SYT2: variants seen among roughly 807,000 people sequenced by gnomAD.
The protein encoded by SYT2 is synaptotagmin-2.
A neutral mutation model predicts 39.9 loss-of-function variants in SYT2; 15 were observed. That is an observed-to-expected ratio of 0.38 (90% CI 0.25 to 0.58). The LOEUF is 0.58. Among genes scored for constraint, SYT2 ranks in the 20% least tolerant of loss-of-function variants. SYT2 has a pLI of 0.70. For synonymous variants in SYT2, 181 were observed against 204.5 expected (o/e 0.89, Z 0.98); for missense variants, 389 against 530.3 (o/e 0.73, Z 2.62).
intron 1 of SYT2, among the ~76,000 whole-genome samples, chr1:202,676,401 C>T (rs1490200348): frequency 1.3e-5 from 2 of 152,232 alleles, no homozygotes; most frequent in Admixed American, 6.5e-5. Context: ...AGCTTACAAA[C>T]CTTCTCCCCA....
intron 1 of SYT2, among the ~76,000 whole-genome samples, chr1:202,689,056 C>T (rs1406818061): frequency 6.6e-6 from 1 of 152,130 alleles, no homozygotes. Flanking sequence ...GGAGCCCGCC[C>T]CCAGACTGAA....
intron 1 of SYT2, among the ~76,000 whole-genome samples, chr1:202,688,322 T>C (rs1483473826): frequency 6.6e-6 from 1 of 152,228 alleles, no homozygotes; most frequent in Non-Finnish European, 1.5e-5. Flanking sequence ...CTAAGGTTTT[T>C]ATTCATTCCT....
Position 202,603,087 on chromosome 1 carries a change from T to C in SYT2, c.377A>G (p.Glu126Gly). The C allele has an allele frequency of 6.2e-6, 10 of 1,613,964 alleles. No individual in the cohort carries two copies. The highest frequency in any genetic ancestry group is 7.6e-6 in the Non-Finnish European group (9 of 1,179,974). ...DDDDAETGLTEGEGEGEEEKE... is the reference protein window; with the variant it reads ...DDDDAETGLTGGEGEGEEEKE... Reference sequence around the variant, plus strand: ...CTCCTCCTCCCCTTCACCTTCCCCCTCAGTCAGGCCTGTCTCTGCGTCGTC... The same window carrying C: ...CTCCTCCTCCCCTTCACCTTCCCCCCCAGTCAGGCCTGTCTCTGCGTCGTC... Residue 126 changes from glutamate (E) to glycine (G), a missense_variant, in exon 4 of 9, where the codon GAG (glutamate) becomes GGG (glycine). By Grantham distance (98) the Glu-to-Gly change is moderately conservative. Coordinates refer to ENST00000367268, the MANE Select transcript of SYT2 (RefSeq NM_177402.5).
chr1:202,673,037 C>T (rs1653209066), intron 1 of SYT2, among the ~76,000 whole-genome samples: 1 of 152,066 alleles, frequency 6.6e-6, no homozygotes, highest in Non-Finnish European at 1.5e-5. Flanking sequence ...AATATCCAAA[C>T]GTTTGCTAGT....
chr1:202,700,384 C>T (rs1333175331), intron 1 of SYT2, among the ~76,000 whole-genome samples: 4 of 152,210 alleles, frequency 2.6e-5, no homozygotes, highest in Admixed American at 1.3e-4. Context: ...ACTGTGTGCC[C>T]GGCTCTGGGC....
Position 202,599,140 on chromosome 1 carries a change from T to C in SYT2, c.1053+78A>G, listed in dbSNP as rs1690406007. The C allele has an allele frequency of 6.4e-7, 1 of 1,574,358 alleles. No individual in the cohort carries two copies. The highest frequency in any genetic ancestry group is 1.4e-5 in the African/African-American group (1 of 72,660). On this transcript the variant is annotated intron_variant, in intron 8 of 8. Coordinates refer to ENST00000367268, the MANE Select transcript of SYT2 (RefSeq NM_177402.5). This position sits in a 1 kb window ranked among gnomAD's most constrained non-coding sequence, Gnocchi z 4.4. ...GGCTGTTCCATGGTCTCTAGGTGAG[T>C]TCCCTCTCTTCAACCTCCCCATACA...
intron 1 of SYT2, among the ~76,000 whole-genome samples, chr1:202,705,108 G>A (rs1440095201): frequency 3.9e-5 from 6 of 152,398 alleles, no homozygotes; most frequent in East Asian, 1.9e-4. Context: ...GGTGAGAAGC[G>A]GCGAGGAGAG....
chr1:202,605,885 A>G, intron 1 of SYT2, 96 bp from the exon 2 acceptor site: 1 of 797,476 alleles, frequency 1.3e-6, no homozygotes. Flanking sequence ...CTCTTTATAG[A>G]TCAAAGATAT....
Position 202,603,086 on chromosome 1 carries a change from CTCAG to C in SYT2, c.374_377del (p.Thr125ArgfsTer75). 1 of 1,614,180 alleles carries C rather than the reference CTCAG, an allele frequency of 6.2e-7. No individual in the cohort carries two copies. The highest frequency in any genetic ancestry group is 8.5e-7 in the Non-Finnish European group (1 of 1,180,032). Reference sequence around the variant, plus strand: ...TCTCCTCCTCCCCTTCACCTTCCCCCTCAGTCAGGCCTGTCTCTGCGTCGTCGTC... The same window carrying C: ...TCTCCTCCTCCCCTTCACCTTCCCCCTCAGGCCTGTCTCTGCGTCGTCGTC... On this transcript the variant is annotated frameshift_variant, in exon 4 of 9. Coordinates refer to ENST00000367268, the MANE Select transcript of SYT2 (RefSeq NM_177402.5). LOFTEE classifies it high-confidence loss of function.
intron 1 of SYT2, among the ~76,000 whole-genome samples, chr1:202,692,909 TA>T (rs895256164): frequency 6.6e-4 from 100 of 152,212 alleles, no homozygotes; most frequent in African/African-American, 2.4e-3. Flanking sequence ...AAAAAAGTTT[TA>T]AAAATATTAT....
intron 1 of SYT2, among the ~76,000 whole-genome samples, chr1:202,703,746 G>A (rs979263868): frequency 1.3e-5 from 2 of 152,042 alleles, no homozygotes; most frequent in Non-Finnish European, 2.9e-5. Flanking sequence ...GTCTACTCGG[G>A]TATGGAAAGG....
At chr1:202,703,148 G>A (rs933824353) in intron 1 of SYT2, among the ~76,000 whole-genome samples, 12 of 152,184 alleles carry the variant, frequency 7.9e-5, no homozygotes, top group African/African-American at 2.7e-4. Context: ...GGGAGCAGAG[G>A]TTCTCTGGGA....
rs550381840 is a variant in SYT2 at position 202,709,677 on chromosome 1, C to G, written c.-18+581G>C. Among the ~76,000 whole-genome samples the G allele has an allele frequency of 2.6e-5, 4 of 152,280 alleles. No homozygotes were observed. In the East Asian group the frequency reaches 7.8e-4, roughly 30 times the overall value. On this transcript the variant is annotated intron_variant, in intron 1 of 8. Coordinates refer to ENST00000367268, the MANE Select transcript of SYT2 (RefSeq NM_177402.5). ...CCTCCAGCCCCTTCTTGGGCCCCTG[C>G]CCCAGCTCCTCGTGCCCGTTGCTTC... is the stretch of plus-strand genomic sequence containing the variant.
At position 202,663,160 on chromosome 1, in the gene SYT2, C is replaced by G. The variant is rs377133799; in HGVS notation, c.-18+47098G>C. Among the ~76,000 whole-genome samples, 9 of 152,188 alleles carry G rather than the reference C, an allele frequency of 5.9e-5. No individual in the cohort carries two copies. In the East Asian group the frequency reaches 9.6e-4, roughly 16 times the overall value. On this transcript the variant is annotated intron_variant, in intron 1 of 8. Coordinates refer to ENST00000367268, the MANE Select transcript of SYT2 (RefSeq NM_177402.5). ...ACAGGGGAGGCCCTTTCATGGCTAA[C>G]AAGAAAGAGAACTCAAGCCAGCCAC...
rs578159873 is a variant in SYT2 at position 202,658,102 on chromosome 1, T to C, written c.-18+52156A>G. ...CCTCTCTGGGTCTCAGGTTCCTTAT[T>C]AATAAACTAAAAGGATTGGACTAGA... is the stretch of plus-strand genomic sequence containing the variant. On this transcript the variant is annotated intron_variant, in intron 1 of 8. Coordinates refer to ENST00000367268, the MANE Select transcript of SYT2 (RefSeq NM_177402.5). Among the ~76,000 whole-genome samples the C allele has an allele frequency of 2.0e-5, 3 of 152,166 alleles. No homozygotes were observed. The South Asian group carries it at 6.2e-4, about 32-fold the overall frequency.
intron 1 of SYT2, among the ~76,000 whole-genome samples, chr1:202,640,235 T>TCCCACCCCACCCCAC (rs1262266281): frequency 7.0e-6 from 1 of 141,870 alleles, no homozygotes; most frequent in Non-Finnish European, 1.5e-5. Context: ...CCAACAAACC[T>TCCCACCCCACCCCAC]CCCACCCCAC....
At chr1:202,681,535 TA>T (rs1471063267) in intron 1 of SYT2, among the ~76,000 whole-genome samples, 10 of 152,286 alleles carry the variant, frequency 6.6e-5, no homozygotes, top group African/African-American at 2.4e-4. Flanking sequence ...CTTAGGCGGA[TA>T]AAAAGCTTCA....
intron 1 of SYT2, among the ~76,000 whole-genome samples, chr1:202,709,895 G>T (rs1206586628): frequency 6.6e-6 from 1 of 152,046 alleles, no homozygotes; most frequent in Non-Finnish European, 1.5e-5. Flanking sequence ...ACGCGAGTGG[G>T]TTCGTCCCAG....
chr1:202,660,415 C>T (rs768581191), intron 1 of SYT2, among the ~76,000 whole-genome samples: 1 of 152,144 alleles, frequency 6.6e-6, no homozygotes, highest in African/African-American at 2.4e-5. Flanking sequence ...CTTCTGTTAC[C>T]GCTACTACCC....
Sources: allele counts gnomAD v4.1 joint callset (sites outside exome capture counted in the v4.1 genomes callset), GRCh38; gene constraint gnomAD v4.1.1; non-coding constraint Gnocchi (gnomAD v3.1); transcripts MANE v1.5; gene names NCBI Gene and HGNC (gene_info 2026-07-23, HGNC 2026-07-21).